The following GSTCD variants were observed in gnomAD, a reference collection of about 807,000 sequenced individuals.
GSTCD encodes glutathione S-transferase C-terminal domain containing.
A neutral mutation model predicts 68.3 loss-of-function variants in GSTCD; 44 were observed. The observed-to-expected ratio is 0.64, with a 90% confidence interval of 0.51 to 0.83. The LOEUF is 0.83. Ranked by LOEUF, GSTCD falls within the 40% of genes least tolerant of loss-of-function variation. The pLI, the probability that GSTCD is intolerant of heterozygous loss-of-function variation, is 0.00. For synonymous variants in GSTCD, 273 were observed against 255.2 expected (o/e 1.07, Z -0.67); for missense variants, 739 against 735.9 (o/e 1.00, Z -0.05).
intron 5 of GSTCD, among the ~76,000 whole-genome samples, chr4:105,774,000 G>T: frequency 6.6e-6 from 1 of 152,150 alleles, no homozygotes. Flanking sequence ...CAGTCTCTTT[G>T]TAGGTCTCTA....
At chr4:105,793,839 G>C (rs1041076189) in intron 5 of GSTCD, among the ~76,000 whole-genome samples, 5 of 152,060 alleles carry the variant, frequency 3.3e-5, no homozygotes, top group African/African-American at 1.2e-4. Flanking sequence ...TTTCAAGTTA[G>C]ATTAAGGGCT....
At chr4:105,728,216 G>T (rs911087238) in intron 4 of GSTCD, among the ~76,000 whole-genome samples, 2 of 152,080 alleles carry the variant, frequency 1.3e-5, no homozygotes, top group African/African-American at 4.8e-5. Context: ...AATAGATAGT[G>T]GCAATGATTG....
At chr4:105,751,419 C>T (rs1734006179) in intron 5 of GSTCD, among the ~76,000 whole-genome samples, 1 of 152,060 alleles carries the variant, frequency 6.6e-6, no homozygotes, top group Non-Finnish European at 1.5e-5. Flanking sequence ...GCAAGAGCTG[C>T]AAAGACATCT....
intron 3 of GSTCD, among the ~76,000 whole-genome samples, chr4:105,722,740 T>C (rs192728643): frequency 1.4e-4 from 21 of 151,980 alleles, no homozygotes; most frequent in African/African-American, 4.8e-4. Flanking sequence ...GCTATGCTTT[T>C]TTTTTAAACC....
Position 105,825,799 on chromosome 4 carries a change from G to C in GSTCD, c.1529G>C (p.Gly510Ala), listed in dbSNP as rs759646572. The C allele has an allele frequency of 2.0e-6, 3 of 1,523,170 alleles. No individual in the cohort carries two copies. In the Admixed American group the frequency reaches 5.1e-5, roughly 26 times the overall value. The allele number at this position is 1,523,170 out of a possible 1,614,324, so 94.4% of individuals were successfully genotyped here. ...TATTTTACTGGGATGTTTAATATTGGAGTAAGTAATCAAGTAATTTCAATT... is the reference window on the plus strand; with the variant it reads ...TATTTTACTGGGATGTTTAATATTGCAGTAAGTAATCAAGTAATTTCAATT... Reference protein sequence around the residue: ...MEYFTGMFNIGVALHACGVAT... With the variant: ...MEYFTGMFNIAVALHACGVAT... The change falls in exon 8 of 12, where the codon GGA becomes GCA. Residue 510 changes from glycine to alanine, a missense_variant and splice_region_variant. Coordinates refer to ENST00000515279, the MANE Select transcript of GSTCD (RefSeq NM_001370181.1).
At chr4:105,760,996 A>ATTTTT (rs35581423) in intron 5 of GSTCD, 268 of 174,800 alleles carry the variant, frequency 1.5e-3, no homozygotes, top group Middle Eastern at 2.5e-3. Flanking sequence ...TCCTTTTTTA[A>ATTTTT]TTTTTTTTTT....
At chr4:105,749,584 GCT>G (rs1052548484) in intron 5 of GSTCD, among the ~76,000 whole-genome samples, 2 of 148,502 alleles carry the variant, frequency 1.3e-5, no homozygotes, top group Non-Finnish European at 3.0e-5. Flanking sequence ...AGCAACCATT[GCT>G]CTATCAATTG....
intron 5 of GSTCD, among the ~76,000 whole-genome samples, chr4:105,745,892 C>T (rs1733785256): frequency 6.6e-6 from 1 of 152,020 alleles, no homozygotes; most frequent in South Asian, 2.1e-4. Context: ...GAAATATGGC[C>T]CCATTAAATG....
At chr4:105,714,695 C>T (rs1449215122) in intron 1 of GSTCD, among the ~76,000 whole-genome samples, 1 of 150,800 alleles carries the variant, frequency 6.6e-6, no homozygotes, top group Non-Finnish European at 1.5e-5. Flanking sequence ...GGGGGAAAAC[C>T]AACATCTATA....
chr4:105,833,254 C>A (rs558404947), intron 8 of GSTCD, among the ~76,000 whole-genome samples: 1 of 152,112 alleles, frequency 6.6e-6, no homozygotes, highest in East Asian at 1.9e-4. Context: ...CACCTGCGGT[C>A]GGGAGTTGGA....
chr4:105,841,008 C>T (rs758095921), intron 10 of GSTCD, among the ~76,000 whole-genome samples: 1 of 152,136 alleles, frequency 6.6e-6, no homozygotes, highest in Non-Finnish European at 1.5e-5. Flanking sequence ...TCCTTTTCCT[C>T]TGATAGAATG....
intron 5 of GSTCD, among the ~76,000 whole-genome samples, chr4:105,818,630 T>C (rs896519031): frequency 3.3e-5 from 5 of 151,746 alleles, no homozygotes; most frequent in Non-Finnish European, 4.4e-5. Context: ...GATACTTTAA[T>C]GGGTACATTT....
intron 5 of GSTCD, among the ~76,000 whole-genome samples, chr4:105,735,195 C>A (rs1733415544): frequency 6.6e-6 from 1 of 152,184 alleles, no homozygotes; most frequent in African/African-American, 2.4e-5. Context: ...AGAACCACTA[C>A]TCTCTTCAAA....
At chr4:105,760,993 TTAA>T in intron 5 of GSTCD, 1 of 343,500 alleles carries the variant, frequency 2.9e-6, no homozygotes, top group Non-Finnish European at 5.4e-6. Context: ...TTATCCTTTT[TTAA>T]TTTTTTTTTT....
chr4:105,798,651 A>G (rs2149260369), intron 5 of GSTCD, among the ~76,000 whole-genome samples: 1 of 152,264 alleles, frequency 6.6e-6, no homozygotes, highest in East Asian at 1.9e-4. Context: ...ATGAGTCATG[A>G]TATTTTAAAG....
Position 105,719,188 on chromosome 4 carries a change from G to A in GSTCD, c.555G>A (p.Glu185=). Residue 185 remains glutamate, a synonymous_variant, in exon 3 of 12, where the codon GAG becomes GAA. Coordinates refer to ENST00000515279, the MANE Select transcript of GSTCD (RefSeq NM_001370181.1). ...EILQLEKKLS[E]PVRVHNDDKL... is the part of the protein sequence containing the mutation. ...TACAGCTAGAGAAAAAGCTTAGTGA[G>A]CCTGTTAGAGTGCATAATGATGATA... 3 of 1,614,068 alleles carry A rather than the reference G, an allele frequency of 1.9e-6. No homozygotes were observed. Among genetic ancestry groups the A allele is most frequent in the Non-Finnish European group, 2.5e-6 (3 of 1,179,998 alleles).
chr4:105,719,165 C>T lies in GSTCD; in HGVS notation c.532C>T (p.Gln178Ter), dbSNP rs760242639. The T allele has an allele frequency of 1.2e-6, 2 of 1,614,088 alleles. No homozygotes were observed. The highest frequency in any genetic ancestry group is 1.1e-5 in the South Asian group (1 of 91,072). Residue 178 changes from glutamine (Q) to a stop codon, truncating the protein, a stop_gained, in exon 3 of 12, where the codon CAG (glutamine) becomes TAG (stop). Transcript: ENST00000515279. LOFTEE classifies it high-confidence loss of function. Reference protein sequence around the residue: ...QPPTIPVEILQLEKKLSEPVR... With the variant: ...QPPTIPVEIL ...CCCAACTATACCTGTAGAAATACTACAGCTAGAGAAAAAGCTTAGTGAGCC... is the reference window on the plus strand; with the variant it reads ...CCCAACTATACCTGTAGAAATACTATAGCTAGAGAAAAAGCTTAGTGAGCC...
In GSTCD at chr4:105,767,261, G is replaced by C. The variant is rs1734653919; in HGVS notation, c.1240+37762G>C. 5.9e-5 allele frequency among the ~76,000 whole-genome samples: 9 copies of C among 152,240 alleles called. No homozygotes were observed. In the South Asian group the frequency reaches 1.9e-3, roughly 32 times the overall value. Reference sequence around the variant, plus strand: ...GGATGCAATGATTGGCTGAGACTTGGCTACTTGTTATAAGAGTAAGTTACA... The same window carrying C: ...GGATGCAATGATTGGCTGAGACTTGCCTACTTGTTATAAGAGTAAGTTACA... On this transcript the variant is annotated intron_variant, in intron 5 of 11. Coordinates refer to ENST00000515279, the MANE Select transcript of GSTCD (RefSeq NM_001370181.1).
chr4:105,721,045 C>A (rs911254896), intron 3 of GSTCD, among the ~76,000 whole-genome samples: 2 of 151,324 alleles, frequency 1.3e-5, no homozygotes, highest in Admixed American at 1.3e-4. Flanking sequence ...AATCGCAGCT[C>A]ACTGCAACCT....
Sources: allele counts gnomAD v4.1 joint callset (sites outside exome capture counted in the v4.1 genomes callset), GRCh38; gene constraint gnomAD v4.1.1; transcripts MANE v1.5; gene names NCBI Gene and HGNC (gene_info 2026-07-23, HGNC 2026-07-21).